The following PCTP variants were observed in gnomAD, a reference collection of about 807,000 sequenced individuals.
The protein encoded by PCTP is START domain-containing protein 2.
In PCTP, 27 loss-of-function variants were observed where a neutral mutation model predicts 31.0. The observed-to-expected ratio is 0.87, with a 90% CI of 0.64 to 1.20. PCTP has a LOEUF of 1.20. PCTP is among the 50% of genes most tolerant of loss of function. PCTP has a pLI of 0.00. For missense variants in PCTP, 287 were observed against 268.2 expected, an observed-to-expected ratio of 1.07 and a Z score of -0.49; for synonymous variants, 108 against 101.2, an observed-to-expected ratio of 1.07 and a Z score of -0.40.
chr17:55,801,162 A>T (rs1482328718), intron 3 of PCTP, among the ~76,000 whole-genome samples: 1 of 152,158 alleles, frequency 6.6e-6, no homozygotes, highest in African/African-American at 2.4e-5. Flanking sequence ...AAGAAGAGCT[A>T]ACTAACCTAA....
At chr17:55,768,759 G>A (rs548285665) in intron 2 of PCTP, 8 of 152,260 alleles carry the variant, frequency 5.3e-5, no homozygotes, top group South Asian at 2.1e-4. Flanking sequence ...CCAGGCTATC[G>A]GTCTTAGATT....
chr17:55,848,532 A>G, the PCTP span, among the ~76,000 whole-genome samples: 1 of 152,224 alleles, frequency 6.6e-6, no homozygotes, highest in South Asian at 2.1e-4. Flanking sequence ...CTCCTCATGC[A>G]CTAATAATTT....
chr17:55,783,955 C>A (rs1430109354), intron 2 of PCTP, among the ~76,000 whole-genome samples: 1 of 152,198 alleles, frequency 6.6e-6, no homozygotes, highest in African/African-American at 2.4e-5. Context: ...CGCTGAAGCT[C>A]CATGTCTTCC....
intron 5 of PCTP, among the ~76,000 whole-genome samples, chr17:55,832,298 A>G (rs1905628761): frequency 6.6e-6 from 1 of 152,196 alleles, no homozygotes; most frequent in South Asian, 2.1e-4. Flanking sequence ...TGATTGCACA[A>G]AGTATCATGC....
At chr17:55,808,193 A>G (rs746440535) in intron 3 of PCTP, among the ~76,000 whole-genome samples, 1 of 152,234 alleles carries the variant, frequency 6.6e-6, no homozygotes, top group Non-Finnish European at 1.5e-5. Context: ...TTGGAACCCA[A>G]GTCTTCAAGT....
chr17:55,764,181 T>C (rs1470960487), intron 1 of PCTP, among the ~76,000 whole-genome samples: 4 of 152,242 alleles, frequency 2.6e-5, no homozygotes, highest in African/African-American at 9.6e-5. Context: ...TTTTAATTTA[T>C]GCAGATATCC....
rs1911332439 is a variant in PCTP at position 55,776,384 on chromosome 17, T to A, written c.*284T>A. On this transcript the variant is annotated 3_prime_UTR_variant, in exon 6 of 6. Transcript: ENST00000268896. The stretch of plus-strand genomic sequence containing the variant: ...TTCTACAGTTCAATATGGGGCAGAC[T>A]AGGGAAACCTTTGCTTGCTTACTAT... The A allele has an allele frequency of 7.9e-7, 1 of 1,265,074 alleles. No individual in the cohort carries two copies. The highest frequency in any genetic ancestry group is 4.0e-5 in the Admixed American group (1 of 24,782). The allele number at this position is 1,265,074 out of a possible 1,614,324, so 78.4% of individuals were successfully genotyped here.
chr17:55,833,349 A>G (rs917780893), intron 5 of PCTP, among the ~76,000 whole-genome samples: 2 of 152,236 alleles, frequency 1.3e-5, no homozygotes, highest in Non-Finnish European at 2.9e-5. Context: ...CTTTTGAAGG[A>G]ACAATCTGCA....
intron 3 of PCTP, among the ~76,000 whole-genome samples, chr17:55,816,410 T>G (rs116218427): frequency 0.027 from 4,079 of 152,338 alleles, 183 homozygotes; most frequent in African/African-American, 0.093. Flanking sequence ...CTACAGAGCC[T>G]GGCCAAAAAC....
chr17:55,790,152 C>T (rs1012231525), intron 3 of PCTP, among the ~76,000 whole-genome samples: 15 of 152,256 alleles, frequency 9.9e-5, no homozygotes, highest in African/African-American at 3.1e-4. Flanking sequence ...TGGCATGTAT[C>T]TCAAAATAAT....
chr17:55,775,231 C>T (rs1238472799), intron 5 of PCTP: 1 of 1,257,470 alleles, frequency 8.0e-7, no homozygotes, highest in African/African-American at 1.5e-5. Context: ...GGCTTGGAGA[C>T]AACCAGATGT....
chr17:55,766,818 A>G (rs1250218314), intron 1 of PCTP, among the ~76,000 whole-genome samples: 1 of 151,766 alleles, frequency 6.6e-6, no homozygotes, highest in East Asian at 1.9e-4. Flanking sequence ...CTAGTTCTAG[A>G]TCCCTGAGGA....
At chr17:55,783,073 A>C (rs1051729400) in intron 2 of PCTP, among the ~76,000 whole-genome samples, 5 of 150,356 alleles carry the variant, frequency 3.3e-5, no homozygotes, top group African/African-American at 1.3e-4. Flanking sequence ...GATAGGTCCA[A>C]AAAAAAATGT....
intron 1 of PCTP, among the ~76,000 whole-genome samples, chr17:55,764,960 G>T (rs1357742658): frequency 6.6e-6 from 1 of 152,196 alleles, no homozygotes; most frequent in Non-Finnish European, 1.5e-5. Context: ...ATTGTAAATT[G>T]CCACCGTACA....
At chr17:55,753,348 T>C (rs886122203) in intron 1 of PCTP, among the ~76,000 whole-genome samples, 45 of 152,302 alleles carry the variant, frequency 3.0e-4, no homozygotes, top group South Asian at 1.2e-3. Flanking sequence ...AGTGGCCTAT[T>C]GATTGCAGAA....
At chr17:55,850,308 G>A in the PCTP span, among the ~76,000 whole-genome samples, 1 of 152,198 alleles carries the variant, frequency 6.6e-6, no homozygotes, top group East Asian at 1.9e-4. Flanking sequence ...TTATTTCATA[G>A]GAGTGTCGAT....
downstream of PCTP, among the ~76,000 whole-genome samples, chr17:55,781,751 G>T (rs186122960): frequency 1.3e-5 from 2 of 152,092 alleles, no homozygotes; most frequent in East Asian, 1.9e-4. Context: ...ATTAAAACAT[G>T]TACAGGTTTG....
intron 5 of PCTP, among the ~76,000 whole-genome samples, chr17:55,832,474 T>C (rs1035026438): frequency 6.6e-6 from 1 of 152,202 alleles, no homozygotes; most frequent in Non-Finnish European, 1.5e-5. Context: ...TCACCTCTAC[T>C]CCCAGTTTTT....
intron 2 of PCTP, chr17:55,768,792 T>C (rs1163833970): frequency 2.6e-5 from 4 of 152,148 alleles, no homozygotes; most frequent in Admixed American, 2.0e-4. Context: ...TTATGTGTTA[T>C]GAAAGACATC....
Sources: gnomAD v4.1 joint callset for allele counts (sites outside exome capture counted in the v4.1 genomes callset) on GRCh38, gnomAD v4.1.1 for gene constraint, MANE v1.5 for transcripts, NCBI Gene and HGNC (gene_info 2026-07-23, HGNC 2026-07-21) for gene names.